SNX29: variants seen among roughly 807,000 people sequenced by gnomAD.
SNX29 encodes sorting nexin-29.
A neutral mutation model predicts 102.1 loss-of-function variants in SNX29; 78 were observed. The ratio of observed to expected loss-of-function variants is 0.76; its 90% CI spans 0.64 to 0.92. The LOEUF is 0.92. Ranked by LOEUF, SNX29 falls within the 40% of genes least tolerant of loss-of-function variation. SNX29 has a pLI of 0.00. For missense variants in SNX29, 1,280 were observed against 1,061.7 expected, an observed-to-expected ratio of 1.21 and a Z score of -2.86; for synonymous variants, 580 against 414.5, an observed-to-expected ratio of 1.40 and a Z score of -4.85.
At chr16:12,139,340 C>A (rs750228515) in intron 13 of SNX29, among the ~76,000 whole-genome samples, 4 of 152,040 alleles carry the variant, frequency 2.6e-5, no homozygotes, top group Non-Finnish European at 4.4e-5. Context: ...AGTCACAGTC[C>A]GGGTTGTCAT....
intron 20 of SNX29, among the ~76,000 whole-genome samples, chr16:12,547,722 C>G (rs1459656030): frequency 2.0e-5 from 3 of 152,152 alleles, no homozygotes; most frequent in Non-Finnish European, 4.4e-5. Context: ...TAGCATGGCA[C>G]CCATCACTGC....
intron 18 of SNX29, among the ~76,000 whole-genome samples, chr16:12,452,470 C>T (rs1001927056): frequency 2.4e-4 from 21 of 87,748 alleles, no homozygotes; most frequent in Admixed American, 2.1e-3. Context: ...AGATGCCCAC[C>T]GCTGAGTACA....
At position 12,477,768 on chromosome 16, in the gene SNX29, C is replaced by G. The variant is rs1340658137; in HGVS notation, c.2087C>G (p.Thr696Arg). The G allele has an allele frequency of 4.3e-6, 7 of 1,613,116 alleles. No homozygotes were observed. The highest frequency in any genetic ancestry group is 5.1e-6 in the Non-Finnish European group (6 of 1,179,694). ...GAATGGAATATTTATCGCCGGTATA[C>G]AGAGTTCAGGAGTTTGCACCACAAG... ...DDEWNIYRRY[T>R]EFRSLHHKLQ... is the part of the protein sequence containing the mutation. The change falls in exon 19 of 21, where the codon ACA becomes AGA. Residue 696 changes from threonine (T) to arginine (R), a missense_variant. Physicochemically the swap from Thr to Arg is moderately conservative, Grantham distance 71. Transcript: ENST00000566228.
At chr16:12,211,143 T>C (rs980394735) in intron 14 of SNX29, among the ~76,000 whole-genome samples, 6 of 152,116 alleles carry the variant, frequency 3.9e-5, no homozygotes, top group African/African-American at 1.2e-4. Flanking sequence ...AGGGCACCGT[T>C]TCATTCATTC....
intron 20 of SNX29, among the ~76,000 whole-genome samples, chr16:12,558,734 C>T (rs1223642015): frequency 6.6e-6 from 1 of 152,246 alleles, no homozygotes; most frequent in Non-Finnish European, 1.5e-5. Context: ...CAAGCCTCAC[C>T]ACTAGGCTGT....
chr16:12,046,866 G>A (rs542460993), intron 6 of SNX29, among the ~76,000 whole-genome samples: 15 of 152,262 alleles, frequency 9.9e-5, no homozygotes, highest in South Asian at 6.2e-4. Flanking sequence ...TGATCCACCC[G>A]CCTTGGCCTC....
chr16:12,272,869 T>C (rs1596711294), intron 14 of SNX29, among the ~76,000 whole-genome samples: 2 of 152,142 alleles, frequency 1.3e-5, no homozygotes, highest in East Asian at 1.9e-4. Context: ...GAATTACTTA[T>C]TTCTCATCGT....
chr16:12,466,928 A>T lies in SNX29; in HGVS notation c.2038-10791A>T, dbSNP rs543059637. 5.9e-5 allele frequency among the ~76,000 whole-genome samples: 9 copies of T among 152,362 alleles called. No individual in the cohort carries two copies. The East Asian group carries it at 1.7e-3, about 29-fold the overall frequency. On this transcript the variant is annotated intron_variant, in intron 18 of 20. Coordinates refer to ENST00000566228, the MANE Select transcript of SNX29 (RefSeq NM_032167.5). ...GTGGAAATGGTCCAGTCCATGGCAT[A>T]TCTACTCATAGACTTTGTTTTAGAG...
At chr16:12,318,762 C>G (rs977619005) in intron 15 of SNX29, among the ~76,000 whole-genome samples, 3 of 151,664 alleles carry the variant, frequency 2.0e-5, no homozygotes, top group Admixed American at 6.6e-5. Context: ...TGCAGACCAA[C>G]TCAAAATTAC....
intron 9 of SNX29, among the ~76,000 whole-genome samples, chr16:12,065,559 T>C (rs761816344): frequency 7.2e-5 from 11 of 152,308 alleles, no homozygotes; most frequent in Middle Eastern, 3.4e-3. Flanking sequence ...TGTCCTCACG[T>C]TGGATCTTGG....
chr16:12,508,641 C>T (rs1157929533), intron 19 of SNX29, among the ~76,000 whole-genome samples: 1 of 152,250 alleles, frequency 6.6e-6, no homozygotes, highest in East Asian at 1.9e-4. Context: ...GCGTCCCTCC[C>T]GCTTTACCAA....
intron 13 of SNX29, among the ~76,000 whole-genome samples, chr16:12,145,133 C>T (rs1035081456): frequency 2.0e-5 from 3 of 151,772 alleles, no homozygotes; most frequent in African/African-American, 7.3e-5. Flanking sequence ...AAGATATACA[C>T]AAGTGGGATT....
intron 18 of SNX29, 92 bp downstream of exon 18, chr16:12,403,621 C>T (rs1296411474): frequency 1.9e-5 from 24 of 1,248,668 alleles, no homozygotes; most frequent in South Asian, 5.1e-5. Context: ...GGTGGTGGGG[C>T]GCTATGATTA....
At chr16:12,171,330 T>C (rs975188457) in intron 13 of SNX29, among the ~76,000 whole-genome samples, 3 of 152,158 alleles carry the variant, frequency 2.0e-5, no homozygotes, top group Non-Finnish European at 4.4e-5. Context: ...TTTTTTTTTT[T>C]GAAGGGAGGG....
chr16:12,430,944 C>T (rs2085286899), intron 18 of SNX29, among the ~76,000 whole-genome samples: 2 of 151,998 alleles, frequency 1.3e-5, no homozygotes, highest in South Asian at 4.2e-4. Flanking sequence ...CCTCTGCCTC[C>T]TGGGTTCAAA....
chr16:11,985,757 G>A (rs571528064), intron 1 of SNX29, among the ~76,000 whole-genome samples: 11 of 152,272 alleles, frequency 7.2e-5, no homozygotes, highest in African/African-American at 1.9e-4. Context: ...ATGTGATGTG[G>A]CAGCAGAGGC....
chr16:12,359,897 C>G (rs1407040510), intron 16 of SNX29, among the ~76,000 whole-genome samples: 1 of 152,200 alleles, frequency 6.6e-6, no homozygotes, highest in East Asian at 1.9e-4. Flanking sequence ...GATCTCAGCT[C>G]AATGCAACCT....
At chr16:12,368,984 G>T (rs971326249) in intron 16 of SNX29, among the ~76,000 whole-genome samples, 5 of 152,094 alleles carry the variant, frequency 3.3e-5, no homozygotes, top group African/African-American at 1.2e-4. Flanking sequence ...GTGCAGGAAG[G>T]CCTGCTCTGA....
intron 18 of SNX29, among the ~76,000 whole-genome samples, chr16:12,442,519 A>T (rs2085852807): frequency 6.6e-6 from 1 of 151,728 alleles, no homozygotes; most frequent in Non-Finnish European, 1.5e-5. Context: ...CTCAGATGCA[A>T]CTCTGTTCTT....
Sources: allele counts gnomAD v4.1 joint callset (sites outside exome capture counted in the v4.1 genomes callset), GRCh38; gene constraint gnomAD v4.1.1; transcripts MANE v1.5; gene names NCBI Gene and HGNC (gene_info 2026-07-23, HGNC 2026-07-21).